PTPRD: variants seen among roughly 807,000 people sequenced by gnomAD.
PTPRD encodes protein tyrosine phosphatase receptor type D.
A neutral mutation model predicts 214.5 loss-of-function variants in PTPRD; 34 were observed. That is an observed-to-expected ratio of 0.16 (90% CI 0.12 to 0.21). The LOEUF (loss-of-function observed/expected upper bound fraction) is 0.21. Among genes scored for constraint, PTPRD ranks in the 10% least tolerant of loss-of-function variants. PTPRD has a pLI of 1.00. For synonymous variants in PTPRD, 1,128 were observed against 845.7 expected, an observed-to-expected ratio of 1.33 and a Z score of -5.79; for missense variants, 2,545 against 2,398.7, an observed-to-expected ratio of 1.06 and a Z score of -1.27.
At chr9:8,523,409 C>A in intron 19 of PTPRD, 104 bp downstream of exon 19, 1 of 1,386,622 alleles carries the variant, frequency 7.2e-7, no homozygotes. Context: ...TACCATTAAC[C>A]AAAAGAAGAA....
chr9:8,444,206 C>T (rs1161706282), intron 34 of PTPRD, among the ~76,000 whole-genome samples: 1 of 152,050 alleles, frequency 6.6e-6, no homozygotes, highest in African/African-American at 2.4e-5. Flanking sequence ...AATAACCTAG[C>T]CTCCATTAAT....
In PTPRD at chr9:10,021,374, T is replaced by C. The variant is rs1229868586; in HGVS notation, c.-472+12344A>G. Among the ~76,000 whole-genome samples the C allele has an allele frequency of 1.2e-4, 2 of 16,350 alleles. 1 individual carries two copies. Among genetic ancestry groups the C allele is most frequent in the Non-Finnish European group, 2.2e-4 (2 of 9,174 alleles). 10.7% of individuals were successfully genotyped at this position (16,350 alleles called of 152,430 possible). A position where few individuals can be genotyped will look rare whatever the true frequency, so the allele number is the denominator to read the frequency against. ...ACCCCACAAGATTATTAGTATTAGGTTGATGCAAAAGTAATCACGGTGTAG... is the reference window on the plus strand; with the variant it reads ...ACCCCACAAGATTATTAGTATTAGGCTGATGCAAAAGTAATCACGGTGTAG... On this transcript the variant is annotated intron_variant, in intron 4 of 45. Transcript: ENST00000381196.
chr9:9,141,170 T>C (rs1188149209), intron 10 of PTPRD, among the ~76,000 whole-genome samples: 1 of 137,314 alleles, frequency 7.3e-6, no homozygotes, highest in African/African-American at 2.7e-5. Context: ...TCCCCTCCTC[T>C]TCTCTCTCTC....
intron 11 of PTPRD, among the ~76,000 whole-genome samples, chr9:8,920,072 G>A (rs575516819): frequency 2.0e-5 from 3 of 152,202 alleles, no homozygotes; most frequent in African/African-American, 7.2e-5. Flanking sequence ...TGGGTGCAGT[G>A]GCTCACAGCT....
chr9:9,353,625 TA>T (rs34921056), intron 9 of PTPRD, among the ~76,000 whole-genome samples: 3,271 of 147,454 alleles, frequency 0.022, 39 homozygotes, highest in African/African-American at 0.041. Flanking sequence ...TTCATGCCTT[TA>T]AAAAAAAAAA....
chr9:8,553,943 C>T (rs1398503575), intron 14 of PTPRD, among the ~76,000 whole-genome samples: 1 of 151,942 alleles, frequency 6.6e-6, no homozygotes, highest in Non-Finnish European at 1.5e-5. Context: ...AATCCTAGCA[C>T]TTTGGGAGGC....
At chr9:10,264,742 G>A (rs1414830357) in intron 3 of PTPRD, among the ~76,000 whole-genome samples, 1 of 152,126 alleles carries the variant, frequency 6.6e-6, no homozygotes, top group Non-Finnish European at 1.5e-5. Flanking sequence ...TTTGAAATCT[G>A]AGGACACGAG....
intron 2 of PTPRD, among the ~76,000 whole-genome samples, chr9:10,370,409 G>T (rs1485974596): frequency 1.3e-5 from 2 of 151,888 alleles, no homozygotes. Context: ...CTTTCTTGGG[G>T]CTATTCTATT....
intron 3 of PTPRD, among the ~76,000 whole-genome samples, chr9:10,046,900 T>A (rs1031968017): frequency 2.0e-5 from 3 of 151,970 alleles, no homozygotes; most frequent in Non-Finnish European, 1.5e-5. Flanking sequence ...TAAAAATGTG[T>A]TTTGCACACT....
intron 8 of PTPRD, among the ~76,000 whole-genome samples, chr9:9,402,982 A>C (rs1376512999): frequency 5.4e-5 from 8 of 147,456 alleles, no homozygotes; most frequent in South Asian, 4.2e-4. Context: ...AAAAAAAAAA[A>C]AAAAAAACAC....
chr9:8,331,180 A>AGGATTT (rs931701249), intron 44 of PTPRD, among the ~76,000 whole-genome samples: 1 of 148,704 alleles, frequency 6.7e-6, no homozygotes, highest in African/African-American at 2.6e-5. Flanking sequence ...TATTGTCATT[A>AGGATTT]GGATTTATTT....
At chr9:9,330,820 C>G (rs2042026878) in intron 9 of PTPRD, among the ~76,000 whole-genome samples, 1 of 150,348 alleles carries the variant, frequency 6.7e-6, no homozygotes, top group Non-Finnish European at 1.5e-5. Flanking sequence ...CACTTTTTTT[C>G]TAGGAAGAAA....
intron 14 of PTPRD, among the ~76,000 whole-genome samples, chr9:8,531,449 A>G (rs1269916764): frequency 1.3e-5 from 2 of 152,124 alleles, no homozygotes; most frequent in Admixed American, 1.3e-4. Context: ...CTCACTTGGC[A>G]GCTATTGACA....
chr9:8,587,327 T>C (rs2093742776), intron 14 of PTPRD, among the ~76,000 whole-genome samples: 1 of 152,222 alleles, frequency 6.6e-6, no homozygotes, highest in South Asian at 2.1e-4. Context: ...TTATTTAGAT[T>C]TTATATTTTA....
intron 11 of PTPRD, among the ~76,000 whole-genome samples, chr9:9,001,915 T>C (rs1424102452): frequency 1.3e-5 from 2 of 151,164 alleles, no homozygotes; most frequent in East Asian, 3.9e-4. Flanking sequence ...TAAGCACCTA[T>C]CTAGTTTCTG....
At chr9:10,536,619 C>G (rs367788619) in intron 2 of PTPRD, among the ~76,000 whole-genome samples, 6 of 152,090 alleles carry the variant, frequency 3.9e-5, no homozygotes, top group African/African-American at 1.4e-4. Context: ...TTTGCTGGAA[C>G]TATGCAGTTC....
At chr9:9,121,402 A>T (rs1028384489) in intron 10 of PTPRD, among the ~76,000 whole-genome samples, 1 of 152,182 alleles carries the variant, frequency 6.6e-6, no homozygotes, top group East Asian at 1.9e-4. Flanking sequence ...AAGTCACAAT[A>T]GGAAAATTGT....
chr9:10,480,189 T>A (rs1855852), intron 2 of PTPRD, among the ~76,000 whole-genome samples: 89,362 of 151,984 alleles, frequency 0.59, 26,463 homozygotes, highest in Admixed American at 0.69. Flanking sequence ...TCAGATGATG[T>A]CCTATTCTCG....
intron 12 of PTPRD, among the ~76,000 whole-genome samples, chr9:8,661,559 G>A (rs1464416111): frequency 6.6e-6 from 1 of 152,082 alleles, no homozygotes. Flanking sequence ...ACACAGGTAA[G>A]AATAGCTGTA....
Sources: gnomAD v4.1 joint callset for allele counts (sites outside exome capture counted in the v4.1 genomes callset) on GRCh38, gnomAD v4.1.1 for gene constraint, MANE v1.5 for transcripts, NCBI Gene and HGNC (gene_info 2026-07-23, HGNC 2026-07-21) for gene names.